CSMD3: variants seen among roughly 807,000 people sequenced by gnomAD.
CSMD3 encodes CUB and Sushi multiple domains 3.
Under a neutral mutation model 435.2 loss-of-function variants are expected in CSMD3, and 177 were observed. The observed-to-expected ratio is 0.41, with a 90% CI of 0.36 to 0.46. The LOEUF is 0.46. Among genes scored for constraint, CSMD3 ranks in the 20% least tolerant of loss-of-function variants. CSMD3 has a pLI of 0.34. For missense variants in CSMD3, 4,265 were observed against 4,504.6 expected (o/e 0.95, Z 1.52); for synonymous variants, 1,656 against 1,520.5 (o/e 1.09, Z -2.07).
chr8:113,053,288 G>T (rs2088177044), intron 5 of CSMD3, among the ~76,000 whole-genome samples: 1 of 151,958 alleles, frequency 6.6e-6, no homozygotes, highest in South Asian at 2.1e-4. Flanking sequence ...GCACTGGATT[G>T]TATTCTTAAA....
At chr8:113,401,783 AT>A (rs2094511253) in intron 1 of CSMD3, among the ~76,000 whole-genome samples, 1 of 151,642 alleles carries the variant, frequency 6.6e-6, no homozygotes, top group East Asian at 1.9e-4. Flanking sequence ...ATAATGTCAT[AT>A]TTTTCTGTAC....
intron 1 of CSMD3, among the ~76,000 whole-genome samples, chr8:113,375,410 AT>A (rs951945917): frequency 2.0e-5 from 3 of 152,254 alleles, no homozygotes; most frequent in African/African-American, 7.2e-5. Flanking sequence ...TTAGACTATA[AT>A]TTAGAAGTTA....
chr8:113,034,965 T>C (rs1387509558), intron 5 of CSMD3, among the ~76,000 whole-genome samples: 1 of 152,010 alleles, frequency 6.6e-6, no homozygotes, highest in Non-Finnish European at 1.5e-5. Flanking sequence ...CAACTACAGT[T>C]AGAGATTTTA....
chr8:112,576,008 T>A (rs1829911569), intron 23 of CSMD3, among the ~76,000 whole-genome samples: 1 of 152,048 alleles, frequency 6.6e-6, no homozygotes, highest in African/African-American at 2.4e-5. Flanking sequence ...CCCCTTAACT[T>A]CTCACCAACA....
chr8:113,430,198 T>C (rs2094662949), intron 1 of CSMD3, among the ~76,000 whole-genome samples: 1 of 152,128 alleles, frequency 6.6e-6, no homozygotes, highest in Admixed American at 6.6e-5. Flanking sequence ...ACACTTTTTA[T>C]TTACTGCTAT....
intron 5 of CSMD3, among the ~76,000 whole-genome samples, chr8:113,045,870 A>G (rs2087807471): frequency 6.7e-6 from 1 of 149,392 alleles, no homozygotes; most frequent in South Asian, 2.1e-4. Context: ...TTTTTCCTGT[A>G]AGCCCTAGCA....
intron 27 of CSMD3, among the ~76,000 whole-genome samples, chr8:112,545,795 A>G (rs1439733552): frequency 6.6e-6 from 1 of 152,168 alleles, no homozygotes; most frequent in Non-Finnish European, 1.5e-5. Flanking sequence ...GCGGGGATCT[A>G]ATAAATACAC....
chr8:113,140,577 AATCAAACCGGAT>A (rs981299857), intron 4 of CSMD3, among the ~76,000 whole-genome samples: 3 of 151,174 alleles, frequency 2.0e-5, no homozygotes, highest in African/African-American at 7.3e-5. Context: ...ACTACAAAAT[AATCAAACCGGAT>A]ATCTATAACT....
intron 63 of CSMD3, among the ~76,000 whole-genome samples, chr8:112,253,721 T>G (rs1815495464): frequency 6.6e-6 from 1 of 152,016 alleles, no homozygotes; most frequent in Admixed American, 6.6e-5. Context: ...CAAAGAATTC[T>G]AATGTAACAA....
intron 23 of CSMD3, among the ~76,000 whole-genome samples, chr8:112,580,944 A>C (rs1205150840): frequency 2.6e-5 from 4 of 152,074 alleles, no homozygotes; most frequent in Non-Finnish European, 4.4e-5. Context: ...CCCACTGCCC[A>C]GCAAAAAGGT....
chr8:112,578,256 C>T (rs76145945), intron 23 of CSMD3, among the ~76,000 whole-genome samples: 3,601 of 151,938 alleles, frequency 0.024, 132 homozygotes, highest in African/African-American at 0.08. Context: ...AATGTATTCT[C>T]AATTATACGA....
chr8:112,255,065 G>A (rs923853089), intron 62 of CSMD3, among the ~76,000 whole-genome samples, 189 bp downstream of exon 62: 3 of 152,012 alleles, frequency 2.0e-5, no homozygotes, highest in Admixed American at 6.6e-5. Flanking sequence ...TCTTCTGGAA[G>A]TTTAAAGTGC....
chr8:113,279,339 C>G (rs1036160389), intron 2 of CSMD3, among the ~76,000 whole-genome samples: 2 of 148,768 alleles, frequency 1.3e-5, no homozygotes, highest in African/African-American at 4.9e-5. Flanking sequence ...AATTAAACAC[C>G]CTGTTTGGCA....
At chr8:112,504,344 A>C (rs1822292634) in intron 29 of CSMD3, among the ~76,000 whole-genome samples, 1 of 152,102 alleles carries the variant, frequency 6.6e-6, no homozygotes, top group South Asian at 2.1e-4. Flanking sequence ...ATTCTTATGC[A>C]AGTTACTTTA....
chr8:113,388,626 C>T (rs1020021263), intron 1 of CSMD3, among the ~76,000 whole-genome samples: 2 of 151,454 alleles, frequency 1.3e-5, no homozygotes, highest in Non-Finnish European at 3.0e-5. Context: ...AATATTTGTA[C>T]TATATTTCTT....
At chr8:112,505,027 C>A (rs1032076624) in intron 29 of CSMD3, among the ~76,000 whole-genome samples, 23 of 152,160 alleles carry the variant, frequency 1.5e-4, no homozygotes, top group African/African-American at 5.5e-4. Context: ...TTTCCGAACC[C>A]AAAGAATTTA....
At chr8:112,413,913 C>T (rs1314942175) in intron 32 of CSMD3, among the ~76,000 whole-genome samples, 1 of 152,030 alleles carries the variant, frequency 6.6e-6, no homozygotes, top group Non-Finnish European at 1.5e-5. Context: ...TTAGCCAAAA[C>T]CCCCTTCCCT....
At chr8:112,887,914 C>T (rs1198074129) in intron 10 of CSMD3, among the ~76,000 whole-genome samples, 1 of 151,676 alleles carries the variant, frequency 6.6e-6, no homozygotes, top group Non-Finnish European at 1.5e-5. Flanking sequence ...AAAATGTTTA[C>T]ATAATGCCTT....
At chr8:112,323,021 T>C (rs1442472880) in intron 45 of CSMD3, among the ~76,000 whole-genome samples, 1 of 151,960 alleles carries the variant, frequency 6.6e-6, no homozygotes, top group Non-Finnish European at 1.5e-5. Context: ...CCAGTGGGGA[T>C]GAAATAGAAA....
Sources: allele counts gnomAD v4.1 joint callset (sites outside exome capture counted in the v4.1 genomes callset), GRCh38; gene constraint gnomAD v4.1.1; transcripts MANE v1.5; gene names NCBI Gene and HGNC (gene_info 2026-07-23, HGNC 2026-07-21).